LANCL1: variants seen among roughly 807,000 people sequenced by gnomAD.
LANCL1 encodes the protein LanC like glutathione S-transferase 1.
A neutral mutation model predicts 50.6 loss-of-function variants in LANCL1; 50 were observed. That is an observed-to-expected ratio of 0.99 (90% CI 0.79 to 1.25). The LOEUF is 1.25. LANCL1 is among the 50% of genes most tolerant of loss of function. LANCL1 has a pLI of 0.00. For synonymous variants in LANCL1, 188 were observed against 178.6 expected (o/e 1.05, Z -0.42); for missense variants, 532 against 480.7 (o/e 1.11, Z -1.00).
chr2:210,448,910 G>A lies in LANCL1; in HGVS notation c.407+6197C>T, dbSNP rs543445670. Among the ~76,000 whole-genome samples, 453 of 151,946 alleles carry A rather than the reference G, an allele frequency of 3.0e-3. 3 individuals are homozygous for A. The highest frequency in any genetic ancestry group is 5.0e-3 in the Non-Finnish European group (343 of 67,980). On this transcript the variant is annotated intron_variant, in intron 4 of 9. Transcript: ENST00000450366. ...TCCAGGACCAGACAGATTCACAGCC[G>A]AATTCTACCAGAGGTACAAGGAGGA...
chr2:210,465,905 CA>C (rs1219174537), intron 3 of LANCL1, among the ~76,000 whole-genome samples: 2 of 152,092 alleles, frequency 1.3e-5, no homozygotes, highest in Admixed American at 6.5e-5. Flanking sequence ...GAGAAATGAC[CA>C]CCAGGATTTA....
intron 3 of LANCL1, among the ~76,000 whole-genome samples, chr2:210,465,194 T>C (rs926760567): frequency 2.6e-5 from 4 of 152,242 alleles, no homozygotes; most frequent in African/African-American, 4.8e-5. Context: ...CTGCTTGAGA[T>C]CATTATCTCT....
chr2:210,440,943 G>C (rs1048361597), intron 5 of LANCL1, among the ~76,000 whole-genome samples, 199 bp from the exon 6 acceptor site: 7 of 152,190 alleles, frequency 4.6e-5, no homozygotes, highest in African/African-American at 1.7e-4. Context: ...AGGGCGTAGA[G>C]GATCTTGAGC....
chr2:210,471,404 A>C (rs1260154641), intron 3 of LANCL1: 1 of 356,372 alleles, frequency 2.8e-6, no homozygotes, highest in Non-Finnish European at 5.5e-6. Flanking sequence ...TTTCTTCCTA[A>C]ACCTCCTCCA....
chr2:210,470,872 A>G (rs1340075066), intron 3 of LANCL1, among the ~76,000 whole-genome samples: 1 of 152,022 alleles, frequency 6.6e-6, no homozygotes, highest in South Asian at 2.1e-4. Context: ...TCCACTCCTT[A>G]AAATCAAATT....
chr2:210,441,008 C>A (rs997952397), intron 5 of LANCL1, among the ~76,000 whole-genome samples: 1 of 152,196 alleles, frequency 6.6e-6, no homozygotes, highest in African/African-American at 2.4e-5. Context: ...ATAAACTCCT[C>A]TAGGCACCAC....
intron 4 of LANCL1, among the ~76,000 whole-genome samples, chr2:210,445,598 A>C (rs1693297622): frequency 6.6e-6 from 1 of 152,154 alleles, no homozygotes; most frequent in African/African-American, 2.4e-5. Context: ...ACTAAAAATA[A>C]AATATTTATA....
At position 210,445,918 on chromosome 2, in the gene LANCL1, T is replaced by C. The variant is rs1020290468; in HGVS notation, c.408-4475A>G. Among the ~76,000 whole-genome samples, 75 of 152,180 alleles carry C rather than the reference T, an allele frequency of 4.9e-4. 1 individual carries two copies. The highest frequency in any genetic ancestry group is 1.9e-4 in the Non-Finnish European group (13 of 68,026). On this transcript the variant is annotated intron_variant, in intron 4 of 9. Transcript: ENST00000450366. ...TGTAACTTTAAAAACAGATGTCCAGTGTCTGGGCAGGGCATTTCTGAAAAA... is the reference window on the plus strand; with the variant it reads ...TGTAACTTTAAAAACAGATGTCCAGCGTCTGGGCAGGGCATTTCTGAAAAA...
chr2:210,461,958 C>G (rs936515607), intron 3 of LANCL1, among the ~76,000 whole-genome samples: 8 of 152,224 alleles, frequency 5.3e-5, no homozygotes, highest in African/African-American at 1.9e-4. Flanking sequence ...ATTTCTAACA[C>G]AAGAACACCT....
chr2:210,437,946 G>T, intron 6 of LANCL1, 74 bp from the exon 7 acceptor site: 1 of 1,083,976 alleles, frequency 9.2e-7, no homozygotes, highest in Non-Finnish European at 1.3e-6. Flanking sequence ...ATTTAAACCA[G>T]AAAAAAAGCA....
chr2:210,444,400 T>C (rs1301031863), intron 4 of LANCL1, among the ~76,000 whole-genome samples: 1 of 152,102 alleles, frequency 6.6e-6, no homozygotes, highest in Admixed American at 6.5e-5. Context: ...ATGAAGAGGA[T>C]AGGTTTTAAA....
chr2:210,467,209 G>T (rs912519798), intron 3 of LANCL1, among the ~76,000 whole-genome samples: 1 of 152,194 alleles, frequency 6.6e-6, no homozygotes, highest in Admixed American at 6.5e-5. Context: ...TATGGTATGG[G>T]CACTGACACT....
chr2:210,467,866 G>A (rs948760564), intron 3 of LANCL1, among the ~76,000 whole-genome samples: 10 of 152,190 alleles, frequency 6.6e-5, no homozygotes, highest in African/African-American at 1.9e-4. Flanking sequence ...GGGCAGCCCA[G>A]TTTTGTAGCT....
rs139333360 is a variant in LANCL1 at position 210,476,085 on chromosome 2, C to A, written c.81+231G>T. 2.1e-3 allele frequency among the ~76,000 whole-genome samples: 320 copies of A among 152,250 alleles called. 1 individual carries two copies. In the Middle Eastern group the frequency reaches 0.048, roughly 23 times the overall value. On this transcript the variant is annotated intron_variant, in intron 2 of 9. Transcript: ENST00000450366. ...TATTTGCCAATTTTTAAAATTTATACTATCAATAATTGAGTTTATTTCAAT... is the reference window on the plus strand; with the variant it reads ...TATTTGCCAATTTTTAAAATTTATAATATCAATAATTGAGTTTATTTCAAT...
intron 3 of LANCL1, among the ~76,000 whole-genome samples, chr2:210,457,081 T>C (rs994624995): frequency 3.3e-5 from 5 of 152,150 alleles, no homozygotes; most frequent in African/African-American, 9.7e-5. Context: ...TACCTCTCAT[T>C]TGGGCCTCTG....
At chr2:210,472,781 G>A (rs770163682) in intron 2 of LANCL1, among the ~76,000 whole-genome samples, 10 of 152,220 alleles carry the variant, frequency 6.6e-5, no homozygotes, top group African/African-American at 1.2e-4. Flanking sequence ...TAACTGCCAC[G>A]CCAATTTCAA....
rs1248389556 is a variant in LANCL1 at position 210,441,425 on chromosome 2, C to A, written c.426G>T (p.Lys142Asn). 1 of 1,609,340 alleles carries A rather than the reference C, an allele frequency of 6.2e-7. No homozygotes were observed. The highest frequency in any genetic ancestry group is 1.1e-5 in the South Asian group (1 of 90,362). ...TTTCATTTGGAGCATGAGGATCAAT[C>A]TTATTTAGGTGAATTAGCCTAAAAA... ...DCITRLIHLNKIDPHAPNEML... is the reference protein window; with the variant it reads ...DCITRLIHLNNIDPHAPNEML... Residue 142 changes from lysine to asparagine, a missense_variant, in exon 5 of 10, where the codon AAG (lysine) becomes AAT (asparagine). Physicochemically the swap from Lys to Asn is moderately conservative, Grantham distance 94 (BLOSUM62 0). Transcript: ENST00000450366.
At chr2:210,457,467 T>C (rs965681037) in intron 3 of LANCL1, among the ~76,000 whole-genome samples, 3 of 152,120 alleles carry the variant, frequency 2.0e-5, no homozygotes, top group Non-Finnish European at 2.9e-5. Context: ...TCAGGGATGG[T>C]TGGCAAGGTG....
intron 1 of LANCL1, 103 bp from the exon 2 acceptor site, chr2:210,476,515 G>T: frequency 7.0e-7 from 1 of 1,420,612 alleles, no homozygotes; most frequent in Non-Finnish European, 9.3e-7. Context: ...CCAGCTCCAG[G>T]GCCATCGAGC....
Sources: allele counts gnomAD v4.1 joint callset (sites outside exome capture counted in the v4.1 genomes callset), GRCh38; gene constraint gnomAD v4.1.1; transcripts MANE v1.5; gene names NCBI Gene and HGNC (gene_info 2026-07-23, HGNC 2026-07-21).